Variants in NR5A2 observed in about 807,000 individuals in gnomAD.
The protein encoded by NR5A2 is nuclear receptor subfamily 5 group A member 2.
A neutral mutation model predicts 62.7 loss-of-function variants in NR5A2; 26 were observed. The observed-to-expected ratio is 0.41, with a 90% CI of 0.30 to 0.58. The LOEUF (loss-of-function observed/expected upper bound fraction) is 0.58. Ranked by LOEUF, NR5A2 falls within the 20% of genes least tolerant of loss-of-function variation. The pLI, the probability that NR5A2 is intolerant of heterozygous loss-of-function variation, is 0.22. For synonymous variants in NR5A2, 246 were observed against 241.7 expected (o/e 1.02, Z -0.16); for missense variants, 541 against 669.1 (o/e 0.81, Z 2.11).
chr1:200,122,776 G>A (rs1444602020), intron 7 of NR5A2, among the ~76,000 whole-genome samples: 2 of 152,164 alleles, frequency 1.3e-5, no homozygotes, highest in Non-Finnish European at 2.9e-5. Context: ...GTTGCTTAAG[G>A]AAGAAAGGAA....
chr1:200,074,280 A>G (rs1033389928), intron 5 of NR5A2, among the ~76,000 whole-genome samples: 4 of 151,880 alleles, frequency 2.6e-5, no homozygotes, highest in Admixed American at 2.6e-4. Flanking sequence ...TGATTGTAAG[A>G]CTGTAGTTAA....
intron 5 of NR5A2, among the ~76,000 whole-genome samples, chr1:200,061,595 C>A (rs1348766869): frequency 6.6e-6 from 1 of 152,132 alleles, no homozygotes; most frequent in Non-Finnish European, 1.5e-5. Context: ...AACTTTACAA[C>A]CAAACTTGAT....
intron 6 of NR5A2, among the ~76,000 whole-genome samples, chr1:200,114,681 G>C (rs1297955040): frequency 6.6e-6 from 1 of 152,152 alleles, no homozygotes; most frequent in Non-Finnish European, 1.5e-5. Flanking sequence ...ATCAAAACTA[G>C]GCCAGCGCAA....
At chr1:200,142,773 AATTTTTTC>A (rs1284204558) in intron 7 of NR5A2, among the ~76,000 whole-genome samples, 1 of 152,020 alleles carries the variant, frequency 6.6e-6, no homozygotes, top group African/African-American at 2.4e-5. Context: ...GTATCTTTTA[AATTTTTTC>A]ATTTTTTCCT....
At chr1:200,162,306 G>T (rs577105135) in intron 7 of NR5A2, among the ~76,000 whole-genome samples, 1 of 152,306 alleles carries the variant, frequency 6.6e-6, no homozygotes, top group South Asian at 2.1e-4. Flanking sequence ...CTTCCTGGAC[G>T]TAATGATATC....
At chr1:200,105,314 A>G (rs1303672435) in intron 5 of NR5A2, among the ~76,000 whole-genome samples, 2 of 151,930 alleles carry the variant, frequency 1.3e-5, no homozygotes, top group East Asian at 3.9e-4. Flanking sequence ...AACAGGAAAC[A>G]CTGAGAGAGA....
At chr1:200,050,312 G>T (rs1016088608) in intron 5 of NR5A2, among the ~76,000 whole-genome samples, 3 of 152,090 alleles carry the variant, frequency 2.0e-5, no homozygotes, top group Non-Finnish European at 4.4e-5. Context: ...AGATACTGTC[G>T]AAAGGTTAGG....
At chr1:200,155,267 AT>A (rs1653323406) in intron 7 of NR5A2, among the ~76,000 whole-genome samples, 1 of 152,228 alleles carries the variant, frequency 6.6e-6, no homozygotes, top group Non-Finnish European at 1.5e-5. Flanking sequence ...ACAATCTAAC[AT>A]TTATGCATTT....
chr1:200,103,623 A>G (rs1665501860), intron 5 of NR5A2, among the ~76,000 whole-genome samples: 1 of 152,214 alleles, frequency 6.6e-6, no homozygotes. Context: ...TATATGGCTC[A>G]TATTTAAAAA....
rs756577576 is a variant in NR5A2 at position 200,120,819 on chromosome 1, C to T, written c.1242C>T (p.Ser414=). Residue 414 remains serine (S), a synonymous_variant, in exon 7 of 8, where the codon TCC becomes TCT. Coordinates refer to ENST00000367362, the MANE Select transcript of NR5A2 (RefSeq NM_205860.3). ...FLVTGQQVDY[S]IIASQAGATL... is the part of the protein sequence containing the mutation. ...ATTCTGTATTGCAGGTGGACTATTC[C>T]ATAATAGCATCACAAGCCGGAGCCA... 1 of 1,561,004 alleles carries T rather than the reference C, an allele frequency of 6.4e-7. No homozygotes were observed. The highest frequency in any genetic ancestry group is 8.6e-7 in the Non-Finnish European group (1 of 1,157,888).
intron 5 of NR5A2, among the ~76,000 whole-genome samples, chr1:200,064,221 A>C (rs1663368756): frequency 6.6e-6 from 1 of 152,144 alleles, no homozygotes; most frequent in Non-Finnish European, 1.5e-5. Flanking sequence ...TCTCAATTAA[A>C]GTAGAACCCC....
Position 200,027,867 on chromosome 1 carries a change from C to T in NR5A2, c.20C>T (p.Thr7Ile). Residue 7 changes from threonine to isoleucine, a missense_variant, in exon 1 of 8, where the codon ACT (threonine) becomes ATT (isoleucine). By Grantham distance (89) the Thr-to-Ile change is moderately conservative. Transcript: ENST00000367362. MSSNSD[T>I]GDLQESLKHG... ...CTAAGAATGTCTTCTAATTCAGATACTGGGGATTTACAAGAGTCTTTAAAG... is the reference window on the plus strand; with the variant it reads ...CTAAGAATGTCTTCTAATTCAGATATTGGGGATTTACAAGAGTCTTTAAAG... 6.2e-7 allele frequency: 1 copy of T among 1,605,596 alleles called. No individual in the cohort carries two copies. The highest frequency in any genetic ancestry group is 8.5e-7 in the Non-Finnish European group (1 of 1,175,752).
At chr1:200,038,568 A>G (rs922435751) in intron 1 of NR5A2, 23 of 528,000 alleles carry the variant, frequency 4.4e-5, no homozygotes, top group South Asian at 3.1e-4. Flanking sequence ...CTCTGCATGT[A>G]AGAACGGTCA....
chr1:200,142,263 G>A lies in NR5A2; in HGVS notation c.1378+21308G>A, dbSNP rs886161173. ...TGCCCAGGCTAGAGTGCAGTGACAC[G>A]ATCTCAGCTCACTGCGACCTCTGCC... On this transcript the variant is annotated intron_variant, in intron 7 of 7. Coordinates refer to ENST00000367362, the MANE Select transcript of NR5A2 (RefSeq NM_205860.3). Among the ~76,000 whole-genome samples, 54 of 124,426 alleles carry A rather than the reference G, an allele frequency of 4.3e-4. 1 individual carries two copies. The highest frequency in any genetic ancestry group is 1.5e-3 in the African/African-American group (49 of 32,274). 81.6% of individuals were successfully genotyped at this position (124,426 alleles called of 152,430 possible).
intron 5 of NR5A2, among the ~76,000 whole-genome samples, chr1:200,103,386 C>G (rs1455150991): frequency 6.6e-6 from 1 of 152,116 alleles, no homozygotes; most frequent in East Asian, 1.9e-4. Context: ...TCCCAAAGTG[C>G]TGTAATTACG....
chr1:200,027,892 G>A lies in NR5A2; in HGVS notation c.45G>A (p.Lys15=). ...SDTGDLQESL[K]HGLTPIGAGL... Reference sequence around the variant, plus strand: ...CTGGGGATTTACAAGAGTCTTTAAAGCACGGACTTACACCTATTGGTAAGT... The same window carrying A: ...CTGGGGATTTACAAGAGTCTTTAAAACACGGACTTACACCTATTGGTAAGT... The change falls in exon 1 of 8, where the codon AAG becomes AAA. Residue 15 remains lysine (K), a synonymous_variant. Coordinates refer to ENST00000367362, the MANE Select transcript of NR5A2 (RefSeq NM_205860.3). 1 of 1,603,320 alleles carries A rather than the reference G, an allele frequency of 6.2e-7. No individual in the cohort carries two copies. The highest frequency in any genetic ancestry group is 8.5e-7 in the Non-Finnish European group (1 of 1,174,388).
intron 5 of NR5A2, chr1:200,053,937 G>C (rs532020473): frequency 6.6e-6 from 1 of 152,340 alleles, no homozygotes; most frequent in South Asian, 2.1e-4. Context: ...ACGGCATATG[G>C]GCTGTGCTCT....
chr1:200,074,417 G>GA (rs200275646), intron 5 of NR5A2, among the ~76,000 whole-genome samples: 2,803 of 140,636 alleles, frequency 0.02, 38 homozygotes, highest in East Asian at 0.055. Context: ...AAAAAAAAAA[G>GA]AAAAAAAAAC....
In NR5A2 at chr1:200,112,716, G is replaced by T. The variant is rs567922645; in HGVS notation, c.1230+1395G>T. 1.3e-4 allele frequency among the ~76,000 whole-genome samples: 20 copies of T among 152,344 alleles called. No individual in the cohort carries two copies. In the South Asian group the frequency reaches 4.1e-3, roughly 32 times the overall value. ...GAGAAAATAAAGTCTCAATGGGTTT[G>T]ACTTCCTGTGCTTTCAAATTTTTTT... is the stretch of plus-strand genomic sequence containing the variant. On this transcript the variant is annotated intron_variant, in intron 6 of 7. Transcript: ENST00000367362.
Sources: allele counts gnomAD v4.1 joint callset (sites outside exome capture counted in the v4.1 genomes callset), GRCh38; gene constraint gnomAD v4.1.1; transcripts MANE v1.5; gene names NCBI Gene and HGNC (gene_info 2026-07-23, HGNC 2026-07-21).